The following ARNT2 variants were observed in gnomAD, a reference collection of about 807,000 sequenced individuals.
The protein encoded by ARNT2 is ARNT protein 2.
ARNT2 carries 36 observed loss-of-function variants against 91.7 expected under a neutral mutation model. That is an observed-to-expected ratio of 0.39 (90% CI 0.30 to 0.52). The LOEUF is 0.52. Ranked by LOEUF, ARNT2 falls within the 20% of genes least tolerant of loss-of-function variation. The pLI is 0.72. For synonymous variants in ARNT2, 365 were observed against 347.1 expected, an observed-to-expected ratio of 1.05 and a Z score of -0.57; for missense variants, 775 against 939.3, an observed-to-expected ratio of 0.83 and a Z score of 2.29.
At chr15:80,513,530 G>A (rs1897375755) in intron 6 of ARNT2, among the ~76,000 whole-genome samples, 1 of 152,106 alleles carries the variant, frequency 6.6e-6, no homozygotes, top group South Asian at 2.1e-4. Context: ...GGCCTGAAGG[G>A]ACATTATTGC....
chr15:80,559,523 C>A (rs909936613), intron 11 of ARNT2, among the ~76,000 whole-genome samples: 13 of 152,224 alleles, frequency 8.5e-5, no homozygotes, highest in Admixed American at 3.3e-4. Context: ...GTGGCTACGT[C>A]AGCTAAGAGC....
intron 5 of ARNT2, among the ~76,000 whole-genome samples, chr15:80,504,060 A>G (rs1318659546): frequency 6.6e-6 from 1 of 152,164 alleles, no homozygotes; most frequent in African/African-American, 2.4e-5. Context: ...GAAGGTGACC[A>G]TCCTCTCTTG....
rs756476972 is a variant in ARNT2, at chr15:80,475,212, A to G, written c.611A>G (p.Asn204Ser). 1.2e-6 allele frequency: 2 copies of G among 1,613,942 alleles called. No homozygotes were observed. Among genetic ancestry groups the G allele is most frequent in the Admixed American group, 3.3e-5 (2 of 60,016 alleles). ...KLREQLCTSENSMTGRILDLK... is the reference protein window; with the variant it reads ...KLREQLCTSESSMTGRILDLK... ...AGAGAGCAACTGTGCACCTCAGAAA[A>G]CTCAATGACAGGTCAGTGGAGCTCC... Residue 204 changes from asparagine (N) to serine (S), a missense_variant, in exon 5 of 19, where the codon AAC becomes AGC. Transcript: ENST00000303329.
chr15:80,592,036 C>T (rs1300071015), intron 18 of ARNT2, among the ~76,000 whole-genome samples: 1 of 152,138 alleles, frequency 6.6e-6, no homozygotes, highest in Admixed American at 6.5e-5. Flanking sequence ...GCTGCAGGCA[C>T]CCCCAGGCTT....
intron 2 of ARNT2, among the ~76,000 whole-genome samples, chr15:80,455,332 T>A (rs146550667): frequency 1.7e-3 from 258 of 152,314 alleles, no homozygotes; most frequent in African/African-American, 5.7e-3. Flanking sequence ...TTCCTAGAGC[T>A]GATGGCTGTA....
At chr15:80,552,609 C>T in intron 9 of ARNT2, 31 bp from the exon 10 acceptor site, 12 of 1,610,128 alleles carry the variant, frequency 7.5e-6, no homozygotes, top group Non-Finnish European at 1.0e-5. Context: ...TCTGTCAACA[C>T]CACCTCAACT....
At chr15:80,584,042 G>A (rs1175785651) in intron 17 of ARNT2, among the ~76,000 whole-genome samples, 1 of 152,224 alleles carries the variant, frequency 6.6e-6, no homozygotes, top group Non-Finnish European at 1.5e-5. Flanking sequence ...GAGTGGAATA[G>A]GATGCAGGGA....
chr15:80,423,325 A>T (rs543557013), intron 1 of ARNT2, among the ~76,000 whole-genome samples: 1 of 152,312 alleles, frequency 6.6e-6, no homozygotes, highest in East Asian at 1.9e-4. Context: ...CTGATGCTCA[A>T]TGGATCTGTG....
At chr15:80,528,507 T>C (rs1186722914) in intron 8 of ARNT2, among the ~76,000 whole-genome samples, 1 of 152,110 alleles carries the variant, frequency 6.6e-6, no homozygotes, top group African/African-American at 2.4e-5. Context: ...GTGTGGTTTG[T>C]TTGCGCACCC....
chr15:80,540,654 C>A (rs887495342), intron 8 of ARNT2, among the ~76,000 whole-genome samples: 1 of 152,052 alleles, frequency 6.6e-6, no homozygotes, highest in East Asian at 1.9e-4. Flanking sequence ...CCTCCTCCTT[C>A]CCCCATCTAG....
chr15:80,589,778 A>G (rs1412217863), intron 17 of ARNT2, among the ~76,000 whole-genome samples: 2 of 152,234 alleles, frequency 1.3e-5, no homozygotes, highest in African/African-American at 2.4e-5. Context: ...ACACGATTCT[A>G]TGAAAGAGTT....
chr15:80,562,141 G>A (rs778992715), intron 11 of ARNT2, among the ~76,000 whole-genome samples: 1 of 150,974 alleles, frequency 6.6e-6, no homozygotes, highest in African/African-American at 2.4e-5. Context: ...GTGACGCAAT[G>A]TCTGCTCACT....
intron 11 of ARNT2, among the ~76,000 whole-genome samples, chr15:80,557,693 C>T (rs921914488): frequency 3.9e-5 from 6 of 152,122 alleles, no homozygotes; most frequent in African/African-American, 1.4e-4. Context: ...TTTGCCCAGG[C>T]CAGAAACCAA....
intron 8 of ARNT2, among the ~76,000 whole-genome samples, chr15:80,533,761 T>C (rs1897778672): frequency 6.6e-6 from 1 of 152,246 alleles, no homozygotes; most frequent in Admixed American, 6.5e-5. Context: ...TGAATCCCAC[T>C]GCTCCTGTGC....
intron 1 of ARNT2, among the ~76,000 whole-genome samples, chr15:80,446,879 G>T (rs183537073): frequency 1.3e-4 from 20 of 152,210 alleles, no homozygotes; most frequent in Admixed American, 9.2e-4. Context: ...TTCATTCATT[G>T]CTTCCAGTTC....
intron 17 of ARNT2, among the ~76,000 whole-genome samples, chr15:80,588,895 T>C (rs1893223633): frequency 6.6e-6 from 1 of 152,316 alleles, no homozygotes; most frequent in Admixed American, 6.5e-5. Context: ...TTCCCAACCA[T>C]GCTATATGCT....
chr15:80,519,840 A>G (rs1307575055), intron 8 of ARNT2, among the ~76,000 whole-genome samples: 2 of 147,842 alleles, frequency 1.4e-5, no homozygotes, highest in African/African-American at 2.5e-5. Flanking sequence ...ACCTGCCACC[A>G]TGCCCGGCTA....
intron 5 of ARNT2, among the ~76,000 whole-genome samples, chr15:80,489,870 G>A (rs78681376): frequency 0.014 from 2,152 of 152,256 alleles, 54 homozygotes; most frequent in African/African-American, 0.05. Context: ...TCGTTTCCCC[G>A]CTGACCAGTT....
intron 1 of ARNT2, among the ~76,000 whole-genome samples, chr15:80,408,824 A>C (rs1208429988): frequency 6.6e-6 from 1 of 152,252 alleles, no homozygotes; most frequent in African/African-American, 2.4e-5. Flanking sequence ...AAAAGGAAGA[A>C]GTGATACCTG....
Sources: allele counts gnomAD v4.1 joint callset (sites outside exome capture counted in the v4.1 genomes callset), GRCh38; gene constraint gnomAD v4.1.1; transcripts MANE v1.5; gene names NCBI Gene and HGNC (gene_info 2026-07-23, HGNC 2026-07-21).